The following MIDEAS variants were observed in gnomAD, a reference collection of about 807,000 sequenced individuals.
MIDEAS encodes mitotic deacetylase-associated SANT domain protein.
In MIDEAS, 26 loss-of-function variants were observed where a neutral mutation model predicts 102.7. The ratio of observed to expected loss-of-function variants is 0.25; its 90% CI spans 0.19 to 0.35. The LOEUF (loss-of-function observed/expected upper bound fraction) is 0.35. Among genes scored for constraint, MIDEAS ranks in the 10% least tolerant of loss-of-function variants. MIDEAS has a pLI of 1.00. For missense variants in MIDEAS, 1,231 were observed against 1,435.6 expected (o/e 0.86, Z 2.30); for synonymous variants, 585 against 591.0 (o/e 0.99, Z 0.15).
upstream of MIDEAS, among the ~76,000 whole-genome samples, chr14:73,788,108 C>T (rs1767998009): frequency 6.6e-6 from 1 of 151,718 alleles, no homozygotes; most frequent in Admixed American, 6.6e-5. Flanking sequence ...AGGAAGAACT[C>T]CTGATCTCAT....
intron 5 of MIDEAS, chr14:73,727,241 A>T: frequency 1.6e-6 from 1 of 632,826 alleles, no homozygotes; most frequent in Non-Finnish European, 2.7e-6. Flanking sequence ...TCCTAGAGAT[A>T]AGTTCAAGCT....
chr14:73,735,755 T>C (rs925834309), intron 3 of MIDEAS, among the ~76,000 whole-genome samples: 1 of 152,226 alleles, frequency 6.6e-6, no homozygotes, highest in African/African-American at 2.4e-5. Flanking sequence ...AGGTACAATG[T>C]GCATTATTTG....
At chr14:73,747,890 G>T (rs1005404574) in intron 1 of MIDEAS, among the ~76,000 whole-genome samples, 1 of 152,134 alleles carries the variant, frequency 6.6e-6, no homozygotes, top group Non-Finnish European at 1.5e-5. Context: ...GACATGAGGG[G>T]TCGCACAGAG....
chr14:73,745,275 C>T (rs2053337348), intron 1 of MIDEAS, among the ~76,000 whole-genome samples: 1 of 152,228 alleles, frequency 6.6e-6, no homozygotes, highest in Non-Finnish European at 1.5e-5. Flanking sequence ...GCCCACAAGC[C>T]ACCTGCCCTT....
upstream of MIDEAS, among the ~76,000 whole-genome samples, chr14:73,761,448 G>A (rs1035974111): frequency 9.2e-5 from 14 of 152,160 alleles, no homozygotes; most frequent in Non-Finnish European, 1.6e-4. Flanking sequence ...GAGCACCTGC[G>A]TACATGTACA....
At position 73,719,615 on chromosome 14, in the gene MIDEAS, C is replaced by A. The variant is rs1281543219; in HGVS notation, c.2938-114G>T. 3 of 1,038,554 alleles carry A rather than the reference C, an allele frequency of 2.9e-6. No homozygotes were observed. In the African/African-American group the frequency reaches 4.8e-5, roughly 17 times the overall value. The allele number at this position is 1,038,554 out of a possible 1,614,324, so 64.3% of individuals were successfully genotyped here. On this transcript the variant is annotated intron_variant, in intron 11 of 12. Coordinates refer to ENST00000423556, the MANE Select transcript of MIDEAS (RefSeq NM_001367710.1). ...GTCATATATATTCCTGCCAAACAGT[C>A]ACCTAGCATGCACTTGGGTCCTTCC...
chr14:73,727,154 G>T, intron 5 of MIDEAS, 182 bp from the exon 6 acceptor site: 1 of 754,616 alleles, frequency 1.3e-6, no homozygotes, highest in Non-Finnish European at 2.1e-6. Context: ...AGAAAGGCAA[G>T]GTCCAGAGGC....
intron 3 of MIDEAS, among the ~76,000 whole-genome samples, chr14:73,730,471 A>G (rs2053124136): frequency 6.6e-6 from 1 of 152,190 alleles, no homozygotes; most frequent in African/African-American, 2.4e-5. Flanking sequence ...GTGCATCTTC[A>G]TAACATGGTG....
At chr14:73,763,384 T>C (rs2053568845), upstream of MIDEAS, among the ~76,000 whole-genome samples, 1 of 152,116 alleles carries the variant, frequency 6.6e-6, no homozygotes, top group South Asian at 2.1e-4. Context: ...GTGTGTGAAG[T>C]ATATCTCAAT....
At chr14:73,723,615 T>G (rs1307507052) in intron 9 of MIDEAS, 3 of 152,220 alleles carry the variant, frequency 2.0e-5, no homozygotes, top group African/African-American at 7.2e-5. Context: ...AAGAGAGAGC[T>G]GTATATGTGT....
rs1376937270 is a variant in MIDEAS, at chr14:73,769,911, TTTG to T, written c.-248+17188_-248+17190del. Among the ~76,000 whole-genome samples the T allele has an allele frequency of 2.0e-3, 278 of 137,398 alleles. 2 individuals are homozygous for T. The highest frequency in any genetic ancestry group is 7.2e-3 in the African/African-American group (263 of 36,440). 90.1% of individuals were successfully genotyped at this position (137,398 alleles called of 152,430 possible). A position where few individuals can be genotyped will look rare whatever the true frequency, so the allele number is the denominator to read the frequency against. On this transcript the variant is annotated intron_variant, in intron 1 of 11. Coordinates refer to the MIDEAS transcript ENST00000394071. ...CACCGTGCCCGGCTGGGTTTTTTTTTTTGTTTTTTTTTTTTAATTTTTGCGGGT... is the reference window on the plus strand; with the variant it reads ...CACCGTGCCCGGCTGGGTTTTTTTTTTTTTTTTTTTTTAATTTTTGCGGGT...
At chr14:73,787,008 T>G (rs1320594569) in intron 1 of MIDEAS, 5 of 150,712 alleles carry the variant, frequency 3.3e-5, no homozygotes, top group Non-Finnish European at 7.4e-5. Context: ...GCCCGCCACA[T>G]CCGCGCCCGC....
At chr14:73,786,972 G>T (rs1488952321) in intron 1 of MIDEAS, 1 of 151,842 alleles carries the variant, frequency 6.6e-6, no homozygotes, top group South Asian at 2.1e-4. Context: ...GCAGCACCCC[G>T]GCACCCCAGC....
rs189220642 is a variant in MIDEAS, at chr14:73,727,366, C to T, written c.2162+92G>A. ...CCCTCTCAGCCCTCTGCAGGCCCCA[C>T]GGAACCCTCCTGTTGCTCCCAGGGC... On this transcript the variant is annotated intron_variant, in intron 5 of 12. Transcript: ENST00000423556. 79 of 1,367,148 alleles carry T rather than the reference C, an allele frequency of 5.8e-5. No homozygotes were observed. The East Asian group carries it at 6.9e-4, about 12-fold the overall frequency. The allele number at this position is 1,367,148 out of a possible 1,614,324, so 84.7% of individuals were successfully genotyped here. A position where few individuals can be genotyped will look rare whatever the true frequency, so the allele number is the denominator to read the frequency against.
intron 2 of MIDEAS, 87 bp from the exon 3 acceptor site, chr14:73,737,384 G>A (rs1334533696): frequency 2.1e-6 from 3 of 1,413,550 alleles, no homozygotes; most frequent in Non-Finnish European, 2.9e-6. Context: ...TGCACTTTGG[G>A]AGGACAAGAT....
chr14:73,771,795 A>G (rs972705528), intron 1 of MIDEAS, among the ~76,000 whole-genome samples: 1 of 152,210 alleles, frequency 6.6e-6, no homozygotes, highest in African/African-American at 2.4e-5. Context: ...ACTTCAATTA[A>G]TATGTGCAAC....
At chr14:73,789,018 C>T (rs529780048), upstream of MIDEAS, 48 of 152,194 alleles carry the variant, frequency 3.2e-4, no homozygotes, top group African/African-American at 1.1e-3. Flanking sequence ...GCTTTTTTCT[C>T]TATGTAAGGT....
At chr14:73,736,853 A>G in intron 3 of MIDEAS, 145 bp downstream of exon 3, 1 of 791,288 alleles carries the variant, frequency 1.3e-6, no homozygotes, top group East Asian at 2.7e-5. Flanking sequence ...ACGTCTGTCC[A>G]GAAGTTTGGT....
chr14:73,763,890 G>A (rs191235997), upstream of MIDEAS, among the ~76,000 whole-genome samples: 8,578 of 151,850 alleles, frequency 0.056, 360 homozygotes, highest in Non-Finnish European at 0.087. Context: ...CATGAACAAC[G>A]AAAGGATGCC....
Sources: gnomAD v4.1 joint callset for allele counts (sites outside exome capture counted in the v4.1 genomes callset) on GRCh38, gnomAD v4.1.1 for gene constraint, MANE v1.5 for transcripts, NCBI Gene and HGNC (gene_info 2026-07-23, HGNC 2026-07-21) for gene names.